Variants in MEIKIN observed in about 807,000 individuals in gnomAD.
The protein encoded by MEIKIN is meiotic kinetochore factor.
At chr5:131,847,940 T>C (rs73259926) in intron 11 of MEIKIN, among the ~76,000 whole-genome samples, 2,502 of 149,480 alleles carry the variant, frequency 0.017, 53 homozygotes, top group African/African-American at 0.054. Flanking sequence ...TGGGCCAAAG[T>C]AGAAATCACA....
At chr5:131,893,453 G>T (rs539538962) in intron 8 of MEIKIN, among the ~76,000 whole-genome samples, 1 of 152,252 alleles carries the variant, frequency 6.6e-6, no homozygotes, top group South Asian at 2.1e-4. Context: ...CGCAGTATTA[G>T]CGTGGGAGCG....
At chr5:131,860,754 CTTTTTTTTTTTTTT>C (rs35117395) in intron 9 of MEIKIN, among the ~76,000 whole-genome samples, 2 of 50,982 alleles carry the variant, frequency 3.9e-5, no homozygotes, top group African/African-American at 8.8e-5. Context: ...GCCTGTTTGG[CTTTTTTTTTTTTTT>C]TTTTTTTTTT....
rs1158220526 is a variant in MEIKIN at position 131,845,272 on chromosome 5, T to TAAAAAA, written c.975+5986_975+5991dup. Among the ~76,000 whole-genome samples the TAAAAAA allele has an allele frequency of 8.9e-3, 403 of 45,352 alleles. 13 individuals carry two copies. Among genetic ancestry groups the TAAAAAA allele is most frequent in the Middle Eastern group, 0.022 (1 of 46 alleles). The allele number at this position is 45,352 out of a possible 152,430, so 29.8% of individuals were successfully genotyped here. A position where few individuals can be genotyped will look rare whatever the true frequency, so the allele number is the denominator to read the frequency against. ...GTGACAGAGCGAGAAGACTTCGTCTTAAAAAAAAAAAAAAAAAAAAAAAAA... is the reference window on the plus strand; with the variant it reads ...GTGACAGAGCGAGAAGACTTCGTCTTAAAAAAAAAAAAAAAAAAAAAAAAAAAAAAA... On this transcript the variant is annotated intron_variant, in intron 11 of 12. Coordinates refer to ENST00000442687, the MANE Select transcript of MEIKIN (RefSeq NM_001303622.2).
chr5:131,919,337 A>G (rs1751467715), intron 6 of MEIKIN, among the ~76,000 whole-genome samples: 1 of 152,200 alleles, frequency 6.6e-6, no homozygotes, highest in African/African-American at 2.4e-5. Flanking sequence ...ATAAAATGAT[A>G]TATGCACTTA....
intron 6 of MEIKIN, among the ~76,000 whole-genome samples, chr5:131,920,772 T>G (rs931752035): frequency 2.1e-4 from 32 of 151,972 alleles, no homozygotes. Context: ...TGGCTCACTG[T>G]AGCCTTGACC....
At chr5:131,867,158 A>G (rs2149622427) in intron 9 of MEIKIN, among the ~76,000 whole-genome samples, 1 of 152,276 alleles carries the variant, frequency 6.6e-6, no homozygotes, top group East Asian at 1.9e-4. Context: ...CAAAGTCACC[A>G]GTTTCCTTCA....
Position 131,878,540 on chromosome 5 carries a change from C to T in MEIKIN, c.774+438G>A, listed in dbSNP as rs182361671. ...CGAGATCATGCCACTGCACTCCACC[C>T]TGGATGACAGAGTGAAACTCTGTCT... On this transcript the variant is annotated intron_variant, in intron 9 of 12. Transcript: ENST00000442687. Among the ~76,000 whole-genome samples the T allele has an allele frequency of 3.0e-3, 462 of 152,058 alleles. 2 individuals are homozygous for T. The highest frequency in any genetic ancestry group is 0.01 in the African/African-American group (430 of 41,460).
intron 8 of MEIKIN, among the ~76,000 whole-genome samples, chr5:131,881,126 C>G (rs1393514779): frequency 2.0e-5 from 3 of 152,088 alleles, no homozygotes; most frequent in Non-Finnish European, 2.9e-5. Flanking sequence ...AGATATTAGC[C>G]TGAAAAATGA....
chr5:131,925,650 A>G (rs1273115948), intron 5 of MEIKIN, among the ~76,000 whole-genome samples: 1 of 151,964 alleles, frequency 6.6e-6, no homozygotes, highest in Non-Finnish European at 1.5e-5. Flanking sequence ...AATCGTTCAA[A>G]TAAGTTTTTG....
intron 11 of MEIKIN, among the ~76,000 whole-genome samples, chr5:131,828,895 T>G (rs1749661806): frequency 1.3e-5 from 2 of 152,140 alleles, no homozygotes; most frequent in Non-Finnish European, 2.9e-5. Context: ...ATAATGCAAT[T>G]TAAAACTACA....
intron 5 of MEIKIN, among the ~76,000 whole-genome samples, chr5:131,932,533 TA>T (rs35735407): frequency 0.22 from 32,875 of 152,112 alleles, 3,803 homozygotes; most frequent in East Asian, 0.49. Context: ...AAGCTTTTCT[TA>T]AATTGTGTTT....
At chr5:131,906,122 C>G (rs1305869468) in intron 8 of MEIKIN, among the ~76,000 whole-genome samples, 1 of 152,160 alleles carries the variant, frequency 6.6e-6, no homozygotes, top group Non-Finnish European at 1.5e-5. Flanking sequence ...GCTAACTATA[C>G]ATCTCACAAA....
chr5:131,870,631 C>T (rs929622005), intron 9 of MEIKIN, among the ~76,000 whole-genome samples: 2 of 152,204 alleles, frequency 1.3e-5, no homozygotes, highest in African/African-American at 2.4e-5. Context: ...CACTAAATAG[C>T]ATCTTTATCC....
intron 9 of MEIKIN, among the ~76,000 whole-genome samples, chr5:131,860,438 T>C (rs943106623): frequency 1.3e-5 from 2 of 151,094 alleles, no homozygotes; most frequent in East Asian, 1.9e-4. Flanking sequence ...GTTCTAACAG[T>C]TGTTTTTTTT....
intron 11 of MEIKIN, among the ~76,000 whole-genome samples, chr5:131,819,262 C>T (rs1749431642): frequency 6.6e-6 from 1 of 151,532 alleles, no homozygotes; most frequent in African/African-American, 2.4e-5. Context: ...GATTTTTTAC[C>T]TCAGGTAATG....
intron 11 of MEIKIN, among the ~76,000 whole-genome samples, chr5:131,842,591 A>G (rs1300888271): frequency 2.7e-5 from 4 of 149,814 alleles, no homozygotes; most frequent in Non-Finnish European, 6.0e-5. Flanking sequence ...TTTCATTGTG[A>G]TTTGTTGATT....
At chr5:131,854,999 G>C (rs191453003) in intron 9 of MEIKIN, among the ~76,000 whole-genome samples, 165 bp from the exon 10 acceptor site, 3 of 152,238 alleles carry the variant, frequency 2.0e-5, no homozygotes, top group African/African-American at 7.2e-5. Context: ...GGAAACTAAA[G>C]AATTTTCTCA....
At chr5:131,819,765 ATTTTTTTTTTTTT>A (rs1167213249) in intron 11 of MEIKIN, among the ~76,000 whole-genome samples, 5 of 64,574 alleles carry the variant, frequency 7.7e-5, no homozygotes, top group Admixed American at 1.9e-4. Flanking sequence ...ACATCCAGCT[ATTTTTTTTTTTTT>A]TTTTTTTTTT....
At chr5:131,943,755 T>A in intron 3 of MEIKIN, among the ~76,000 whole-genome samples, 1 of 152,144 alleles carries the variant, frequency 6.6e-6, no homozygotes, top group East Asian at 1.9e-4. Flanking sequence ...AAAAGCCTTT[T>A]AAAAAAATGT....
Sources: allele counts gnomAD v4.1 joint callset (sites outside exome capture counted in the v4.1 genomes callset), GRCh38; gene constraint gnomAD v4.1.1; transcripts MANE v1.5; gene names NCBI Gene and HGNC (gene_info 2026-07-23, HGNC 2026-07-21).